The following CDH12 variants were observed in gnomAD, a reference collection of about 807,000 sequenced individuals.
CDH12 encodes cadherin-12.
A neutral mutation model predicts 74.1 loss-of-function variants in CDH12; 41 were observed. That is an observed-to-expected ratio of 0.55 (90% CI 0.43 to 0.72). CDH12 has a LOEUF of 0.72. Among genes scored for constraint, CDH12 ranks in the 30% least tolerant of loss-of-function variants. The pLI is 0.00. For synonymous variants in CDH12, 399 were observed against 355.0 expected (o/e 1.12, Z -1.39); for missense variants, 945 against 977.2 (o/e 0.97, Z 0.44).
chr5:22,671,141 T>G (rs985053994), intron 1 of CDH12, among the ~76,000 whole-genome samples: 5 of 152,136 alleles, frequency 3.3e-5, no homozygotes, highest in Non-Finnish European at 5.9e-5. Context: ...TGCATATATT[T>G]AATGTATACA....
rs191467261 is a variant in CDH12, at chr5:22,678,593, C to T, written c.-522-173229G>A. 3.9e-4 allele frequency among the ~76,000 whole-genome samples: 60 copies of T among 152,098 alleles called. No homozygotes were observed. The East Asian group carries it at 5.0e-3, about 13-fold the overall frequency. On this transcript the variant is annotated intron_variant, in intron 1 of 14. Coordinates refer to ENST00000382254, the MANE Select transcript of CDH12 (RefSeq NM_004061.5). ...AAATTAAACCAGAAAATGTACTTTG[C>T]GGCCACCTTAAAAATCTTTGTTTTT...
intron 1 of CDH12, among the ~76,000 whole-genome samples, chr5:22,724,114 A>G (rs1744037519): frequency 6.6e-6 from 1 of 151,898 alleles, no homozygotes; most frequent in African/African-American, 2.4e-5. Flanking sequence ...TTGGGGTTGG[A>G]ATTTATAATC....
intron 3 of CDH12, among the ~76,000 whole-genome samples, chr5:22,263,236 G>A (rs775090405): frequency 6.6e-6 from 1 of 152,072 alleles, no homozygotes; most frequent in Non-Finnish European, 1.5e-5. Flanking sequence ...AAAAGCTTGA[G>A]TGTTTCATCT....
intron 8 of CDH12, among the ~76,000 whole-genome samples, chr5:21,837,190 G>A (rs1749582538): frequency 6.6e-6 from 1 of 151,992 alleles, no homozygotes; most frequent in Non-Finnish European, 1.5e-5. Context: ...ATGACACACA[G>A]TGATTTATTA....
At chr5:22,277,153 A>C (rs1242051925) in intron 3 of CDH12, among the ~76,000 whole-genome samples, 1 of 152,154 alleles carries the variant, frequency 6.6e-6, no homozygotes, top group African/African-American at 2.4e-5. Context: ...CAAATTAGAT[A>C]ATAAACTTTG....
At chr5:22,689,171 C>G (rs929347476) in intron 1 of CDH12, among the ~76,000 whole-genome samples, 5 of 152,122 alleles carry the variant, frequency 3.3e-5, no homozygotes, top group African/African-American at 4.8e-5. Context: ...ATTTCAATTA[C>G]TTGGAAACTG....
At chr5:22,057,829 A>G (rs1417739259) in intron 5 of CDH12, among the ~76,000 whole-genome samples, 4 of 152,184 alleles carry the variant, frequency 2.6e-5, no homozygotes, top group Non-Finnish European at 5.9e-5. Flanking sequence ...GCAGTGGAGC[A>G]GCTAAATATG....
At chr5:22,596,414 C>T (rs1736610111) in intron 1 of CDH12, among the ~76,000 whole-genome samples, 1 of 152,140 alleles carries the variant, frequency 6.6e-6, no homozygotes, top group Admixed American at 6.5e-5. Flanking sequence ...GCACTCCAGC[C>T]TGGGCAACAA....
chr5:21,963,424 T>C (rs114566859), intron 6 of CDH12, among the ~76,000 whole-genome samples: 3,255 of 152,238 alleles, frequency 0.021, 102 homozygotes, highest in South Asian at 0.06. Context: ...AAACTCGTTA[T>C]TTTTAGAGTC....
chr5:22,775,752 C>G (rs116403932), intron 1 of CDH12, among the ~76,000 whole-genome samples: 2,491 of 152,034 alleles, frequency 0.016, 64 homozygotes, highest in African/African-American at 0.057. Context: ...ATTATATGGT[C>G]TCATTATTCT....
chr5:22,211,590 A>C (rs955578211), intron 4 of CDH12, among the ~76,000 whole-genome samples: 12 of 151,946 alleles, frequency 7.9e-5, no homozygotes, highest in African/African-American at 2.4e-4. Context: ...CTTTGGAAAA[A>C]AGTTGCTTAC....
At chr5:21,952,823 T>C (rs1237258193) in intron 6 of CDH12, among the ~76,000 whole-genome samples, 1 of 151,482 alleles carries the variant, frequency 6.6e-6, no homozygotes, top group African/African-American at 2.4e-5. Context: ...ATAACATCTC[T>C]TTACATGGGT....
At chr5:21,911,596 T>C (rs150495416) in intron 6 of CDH12, among the ~76,000 whole-genome samples, 262 of 152,162 alleles carry the variant, frequency 1.7e-3, no homozygotes, top group African/African-American at 6.1e-3. Flanking sequence ...AGTTTCCTTA[T>C]AAGAATTCAT....
At chr5:22,265,481 A>G (rs1753671319) in intron 3 of CDH12, among the ~76,000 whole-genome samples, 1 of 152,192 alleles carries the variant, frequency 6.6e-6, no homozygotes, top group African/African-American at 2.4e-5. Context: ...TTTAAAGAGA[A>G]AGGTTCTGCT....
Position 21,932,807 on chromosome 5 carries a change from C to A in CDH12, c.526+42284G>T, listed in dbSNP as rs148644556. Among the ~76,000 whole-genome samples, 523 of 149,532 alleles carry A rather than the reference C, an allele frequency of 3.5e-3. 1 individual carries two copies. Among genetic ancestry groups the A allele is most frequent in the African/African-American group, 0.012 (493 of 40,644 alleles). On this transcript the variant is annotated intron_variant, in intron 6 of 14. Coordinates refer to ENST00000382254, the MANE Select transcript of CDH12 (RefSeq NM_004061.5). Reference sequence around the variant, plus strand: ...CCATCCTGGTGACAGAGCAAGACTCCATCTCAAAAAAAAAAGATAGTAGCA... The same window carrying A: ...CCATCCTGGTGACAGAGCAAGACTCAATCTCAAAAAAAAAAGATAGTAGCA...
At chr5:22,497,079 A>G (rs768343999) in intron 2 of CDH12, among the ~76,000 whole-genome samples, 1 of 152,170 alleles carries the variant, frequency 6.6e-6, no homozygotes, top group Non-Finnish European at 1.5e-5. Context: ...CCTTTCTCAT[A>G]CAATTCTTAT....
intron 3 of CDH12, among the ~76,000 whole-genome samples, chr5:22,245,023 G>A (rs1019638584): frequency 3.7e-4 from 57 of 152,266 alleles, no homozygotes; most frequent in African/African-American, 1.0e-3. Context: ...TGGTGGAGGC[G>A]CAGCAGCCAG....
intron 4 of CDH12, among the ~76,000 whole-genome samples, chr5:22,106,760 C>T (rs987801471): frequency 2.0e-5 from 3 of 152,188 alleles, no homozygotes; most frequent in Non-Finnish European, 4.4e-5. Flanking sequence ...CTAAAAATTA[C>T]TCTGTATCCA....
At chr5:21,833,029 A>ATC (rs1749170669) in intron 8 of CDH12, among the ~76,000 whole-genome samples, 2 of 51,226 alleles carry the variant, frequency 3.9e-5, no homozygotes, top group African/African-American at 1.8e-4. Context: ...TATAATATAT[A>ATC]ATATATAATA....
Sources: allele counts gnomAD v4.1 joint callset (sites outside exome capture counted in the v4.1 genomes callset), GRCh38; gene constraint gnomAD v4.1.1; transcripts MANE v1.5; gene names NCBI Gene and HGNC (gene_info 2026-07-23, HGNC 2026-07-21).